EFEMP2: variants seen among roughly 807,000 people sequenced by gnomAD.
The protein encoded by EFEMP2 is EGF-containing fibulin-like extracellular matrix protein 2.
A neutral mutation model predicts 55.3 loss-of-function variants in EFEMP2; 21 were observed. That is an observed-to-expected ratio of 0.38 (90% CI 0.27 to 0.55). The LOEUF is 0.55. Among genes scored for constraint, EFEMP2 ranks in the 20% least tolerant of loss-of-function variants. EFEMP2 has a pLI of 0.77. For synonymous variants in EFEMP2, 275 were observed against 242.3 expected (o/e 1.14, Z -1.25); for missense variants, 513 against 615.1 (o/e 0.83, Z 1.76).
chr11:65,870,436 G>C lies in EFEMP2; in HGVS notation c.490+100C>G, dbSNP rs1859945428. On this transcript the variant is annotated intron_variant, in intron 5 of 10. Transcript: ENST00000307998. ...GATGACGGAGGGTGAGGTGGCAGGG[G>C]CCGGGGGTGAAGCCTGGCTTGAATG... is the stretch of plus-strand genomic sequence containing the variant. 4 of 1,565,672 alleles carry C rather than the reference G, an allele frequency of 2.6e-6. No individual in the cohort carries two copies. The African/African-American group carries it at 4.1e-5, about 16-fold the overall frequency.
At position 65,867,095 on chromosome 11, in the gene EFEMP2, T is replaced by G. The variant is rs1258442287; in HGVS notation, c.1171-16A>C. 2 of 1,613,596 alleles carry G rather than the reference T, an allele frequency of 1.2e-6. No individual in the cohort carries two copies. Among genetic ancestry groups the G allele is most frequent in the Non-Finnish European group, 1.7e-6 (2 of 1,179,946 alleles). On this transcript the variant is annotated splice_polypyrimidine_tract_variant and intron_variant, in intron 10 of 10. Transcript: ENST00000307998. ...TGTTGATTTGCTGCAGGGCAGTGGGTGGGGGGACATATATATTGTGTCAGC... is the reference window on the plus strand; with the variant it reads ...TGTTGATTTGCTGCAGGGCAGTGGGGGGGGGGACATATATATTGTGTCAGC...
At chr11:65,871,460 G>A in intron 3 of EFEMP2, 97 bp from the exon 4 acceptor site, 1 of 1,188,306 alleles carries the variant, frequency 8.4e-7, no homozygotes, top group Non-Finnish European at 1.2e-6. Context: ...GAGATGTGTG[G>A]CCCCAGCAAA....
chr11:65,870,132 C>A lies in EFEMP2; in HGVS notation c.596G>T (p.Arg199Leu). The change falls in exon 6 of 11, where the codon CGC becomes CTC. Residue 199 changes from arginine to leucine, a missense_variant. Transcript: ENST00000307998. ...EPGFQLGPNN[R>L]SCVDVNECDM... ...CAGCCCAGCCTCACCAACACAGGAG[C>A]GGTTGTTAGGCCCCAGCTGGAAGCC... The A allele has an allele frequency of 6.2e-7, 1 of 1,613,780 alleles. No individual in the cohort carries two copies. Among genetic ancestry groups the A allele is most frequent in the Non-Finnish European group, 8.5e-7 (1 of 1,179,984 alleles).
rs936904481 is a variant in EFEMP2 at position 65,871,973 on chromosome 11, G to A, written c.157C>T (p.Arg53Trp). ...YEWDPDSQHC[R>W]DVNECLTIPE... is the part of the protein sequence containing the mutation. ...TTGGTCCCCCAGGCACACACACCCC[G>A]GCAGTGCTGGCTGTCTGGGTCCCAC... The change falls in exon 3 of 11, where the codon CGG becomes TGG. Residue 53 changes from arginine (R) to tryptophan (W), a missense_variant. By Grantham distance (101) the Arg-to-Trp change is moderately radical (BLOSUM62 -3). Transcript: ENST00000307998. The A allele has an allele frequency of 1.2e-5, 19 of 1,551,560 alleles. No homozygotes were observed. Among genetic ancestry groups the A allele is most frequent in the East Asian group, 7.3e-5 (3 of 40,920 alleles).
chr11:65,869,660 G>T, intron 7 of EFEMP2, 197 bp downstream of exon 7: 1 of 752,462 alleles, frequency 1.3e-6, no homozygotes, highest in Non-Finnish European at 2.3e-6. Context: ...CAGTAAGGAC[G>T]TAGCTGCCTC....
intron 4 of EFEMP2, 160 bp from the exon 5 acceptor site, chr11:65,870,818 T>C: frequency 9.9e-7 from 1 of 1,008,230 alleles, no homozygotes; most frequent in South Asian, 1.4e-5. Flanking sequence ...AACCACATGT[T>C]GGGGGTTGCA....
rs761656636 is a variant in EFEMP2 at position 65,870,545 on chromosome 11, C to G, written c.481G>C (p.Glu161Gln). Residue 161 changes from glutamate to glutamine, a missense_variant, in exon 5 of 11, where the codon GAG becomes CAG. Transcript: ENST00000307998. ...TGCTTCCTGGACTCACCCACACACT[C>G]GGGCCCGATCTTGCGGTAACCATCA... ...CPDGYRKIGP[E>Q]CVDIDECRYR... 4 of 1,613,928 alleles carry G rather than the reference C, an allele frequency of 2.5e-6. No individual in the cohort carries two copies. The highest frequency in any genetic ancestry group is 3.4e-6 in the Non-Finnish European group (4 of 1,179,922).
At chr11:65,871,464 C>T in intron 3 of EFEMP2, 101 bp from the exon 4 acceptor site, 2 of 1,128,674 alleles carry the variant, frequency 1.8e-6, no homozygotes, top group East Asian at 2.4e-5. Context: ...TGTGTGGCCC[C>T]AGCAAAGCCT....
intron 3 of EFEMP2, 117 bp downstream of exon 3, chr11:65,871,853 A>G: frequency 1.5e-6 from 2 of 1,304,620 alleles, no homozygotes; most frequent in Non-Finnish European, 2.2e-6. Flanking sequence ...AGAGCTGGGC[A>G]TAGAACGGGC....
rs1433009858 is a variant in EFEMP2 at position 65,868,553 on chromosome 11, G to A, written c.804C>T (p.His268=). The A allele has an allele frequency of 1.9e-6, 3 of 1,613,964 alleles. No individual in the cohort carries two copies. The Admixed American group carries it at 5.0e-5, about 27-fold the overall frequency. The part of the protein sequence containing the change: ...CINEPGRFSC[H]CPQGYQLLAT... ...CCAGCAGCTGGTAACCCTGTGGGCA[G>A]TGGCAGGAGAAACGGCCTGGCTCGT... Residue 268 remains histidine (H), a synonymous_variant, in exon 8 of 11, where the codon CAC becomes CAT. Transcript: ENST00000307998.
chr11:65,872,308 G>C lies in EFEMP2; in HGVS notation c.47C>G (p.Ala16Gly). ...SCLPGSLLLWALLLLLLGSAS... is the reference protein window; with the variant it reads ...SCLPGSLLLWGLLLLLLGSAS... ...TGATCCCAAGAGCAACAGTAGCAGC[G>C]CCCAGAGCAGTAGAGACCCGGGTAG... The change falls in exon 2 of 11, where the codon GCG becomes GGG. Residue 16 changes from alanine to glycine, a missense_variant. By Grantham distance (60) the Ala-to-Gly change is moderately conservative. Coordinates refer to ENST00000307998, the MANE Select transcript of EFEMP2 (RefSeq NM_016938.5). 2 of 1,551,706 alleles carry C rather than the reference G, an allele frequency of 1.3e-6. No homozygotes were observed. Among genetic ancestry groups the C allele is most frequent in the Non-Finnish European group, 1.7e-6 (2 of 1,147,038 alleles).
chr11:65,870,820 G>C (rs1859952881), intron 4 of EFEMP2, 162 bp from the exon 5 acceptor site: 6 of 998,106 alleles, frequency 6.0e-6, no homozygotes, highest in Non-Finnish European at 9.1e-6. Context: ...CCACATGTTG[G>C]GGGTTGCACA....
intron 1 of EFEMP2, 124 bp from the exon 2 acceptor site, chr11:65,872,485 C>T: frequency 1.5e-6 from 1 of 676,778 alleles, no homozygotes; most frequent in East Asian, 2.8e-5. Flanking sequence ...CGGGGCCTCC[C>T]AGGGCTGGGG....
intron 10 of EFEMP2, chr11:65,867,525 C>A: frequency 2.2e-6 from 1 of 453,266 alleles, no homozygotes; most frequent in South Asian, 2.1e-5. Context: ...CGCCCCTGGC[C>A]CCCTCCCACC....
chr11:65,869,697 G>A, intron 7 of EFEMP2, 160 bp downstream of exon 7: 3 of 1,081,178 alleles, frequency 2.8e-6, no homozygotes, highest in Non-Finnish European at 4.2e-6. Flanking sequence ...ACTAGCCTGG[G>A]AGTGCTCCAC....
intron 3 of EFEMP2, chr11:65,871,683 G>A (rs1374712477): frequency 2.8e-5 from 17 of 598,148 alleles, no homozygotes; most frequent in Middle Eastern, 4.4e-4. Flanking sequence ...CCCAGGTTGT[G>A]ATGAGACAAA....
At chr11:65,870,009 A>G in intron 6 of EFEMP2, 33 bp from the exon 7 acceptor site, 1 of 1,613,406 alleles carries the variant, frequency 6.2e-7, no homozygotes. Context: ...GAGGGATGAA[A>G]GCGGAGGAGG....
rs780461645 is a variant in EFEMP2 at position 65,866,589 on chromosome 11, C to G, written c.*329G>C. ...GGAGTTTCTTAGGACCCCTGCAAGC[C>G]AGCCAAGTCCAAATCTCTGGGCCGG... On this transcript the variant is annotated 3_prime_UTR_variant, in exon 11 of 11. Coordinates refer to ENST00000307998, the MANE Select transcript of EFEMP2 (RefSeq NM_016938.5). 1.1e-4 allele frequency: 80 copies of G among 702,898 alleles called. No individual in the cohort carries two copies. Among genetic ancestry groups the G allele is most frequent in the African/African-American group, 1.0e-3 (59 of 57,302 alleles). 43.5% of individuals were successfully genotyped at this position (702,898 alleles called of 1,614,324 possible). A position where few individuals can be genotyped will look rare whatever the true frequency, so the allele number is the denominator to read the frequency against.
rs532989312 is a variant in EFEMP2, at chr11:65,868,395, G to A, written c.874C>T (p.His292Tyr). 3.0e-5 allele frequency: 48 copies of A among 1,613,910 alleles called. No individual in the cohort carries two copies. The East Asian group carries it at 1.0e-3, about 34-fold the overall frequency. The change falls in exon 9 of 11, where the codon CAC becomes TAC. Residue 292 changes from histidine (H) to tyrosine (Y), a missense_variant. His to Tyr is a moderately conservative substitution (Grantham distance 83). Coordinates refer to ENST00000307998, the MANE Select transcript of EFEMP2 (RefSeq NM_016938.5). ...CAGGTTTGGGCCTCGGAGCACTGGT[G>A]CGCACCAGACTCACACTCATCAATG... The part of the protein sequence containing the change: ...QDIDECESGA[H>Y]QCSEAQTCVN...
Sources: gnomAD v4.1 joint callset for allele counts on GRCh38, gnomAD v4.1.1 for gene constraint, MANE v1.5 for transcripts, NCBI Gene and HGNC (gene_info 2026-07-23, HGNC 2026-07-21) for gene names.